The following ANO6 variants were observed in gnomAD, a reference collection of about 807,000 sequenced individuals.
ANO6 encodes the protein anoctamin 6, also known as anoctamin-6.
ANO6 carries 106 observed loss-of-function variants against 117.5 expected under a neutral mutation model. The ratio of observed to expected loss-of-function variants is 0.90; its 90% CI spans 0.77 to 1.06. The LOEUF is 1.06. ANO6 is among the 50% of genes least tolerant of loss of function. The pLI is 0.00. For synonymous variants in ANO6, 367 were observed against 385.1 expected (o/e 0.95, Z 0.55); for missense variants, 955 against 1,121.1 (o/e 0.85, Z 2.12).
At chr12:45,228,119 TGTTG>T in intron 1 of ANO6, 1 of 383,256 alleles carries the variant, frequency 2.6e-6, no homozygotes, top group East Asian at 8.5e-5. Flanking sequence ...AGGCTTTTTG[TGTTG>T]TTTTTTTTTT....
At chr12:45,322,004 G>A (rs77279171) in intron 2 of ANO6, among the ~76,000 whole-genome samples, 2,643 of 152,228 alleles carry the variant, frequency 0.017, 56 homozygotes, top group East Asian at 0.085. Context: ...TGGTAGTCCA[G>A]TCTGGTGCCA....
chr12:45,254,375 A>T (rs1161968381), intron 1 of ANO6, among the ~76,000 whole-genome samples: 1 of 152,156 alleles, frequency 6.6e-6, no homozygotes, highest in Non-Finnish European at 1.5e-5. Context: ...GATGTTGTGG[A>T]TCATCATTGC....
Position 45,403,225 on chromosome 12 carries a change from A to G in ANO6, c.1766A>G (p.Lys589Arg), listed in dbSNP as rs758631777. 1.5e-5 allele frequency: 24 copies of G among 1,613,790 alleles called. No individual in the cohort carries two copies. The highest frequency in any genetic ancestry group is 6.7e-5 in the Admixed American group (4 of 59,996). Reference protein sequence around the residue: ...YPGDPVYWLGKYRNEECDPGG... With the variant: ...YPGDPVYWLGRYRNEECDPGG... ...GGAGACCCAGTTTATTGGTTGGGAA[A>G]ATACAGAAATGAAGAGGTATGAATA... The change falls in exon 14 of 20, where the codon AAA (lysine) becomes AGA (arginine). Residue 589 changes from lysine to arginine, a missense_variant. Coordinates refer to ENST00000320560, the MANE Select transcript of ANO6 (RefSeq NM_001025356.3).
At chr12:45,259,915 T>C (rs2137207994) in intron 1 of ANO6, among the ~76,000 whole-genome samples, 1 of 152,342 alleles carries the variant, frequency 6.6e-6, no homozygotes, top group African/African-American at 2.4e-5. Context: ...ACAGGCACTG[T>C]AGGTCAGCTC....
chr12:45,289,889 G>A (rs766349997), intron 1 of ANO6, among the ~76,000 whole-genome samples: 5 of 152,164 alleles, frequency 3.3e-5, no homozygotes, highest in Admixed American at 3.3e-4. Context: ...TATATTCGTA[G>A]TTATTACAGG....
chr12:45,331,758 A>T (rs1940673305), intron 3 of ANO6, among the ~76,000 whole-genome samples: 1 of 152,112 alleles, frequency 6.6e-6, no homozygotes, highest in Non-Finnish European at 1.5e-5. Flanking sequence ...ATTAATAATG[A>T]CAAGTGTAAT....
intron 12 of ANO6, among the ~76,000 whole-genome samples, chr12:45,400,091 T>TTTA (rs112703295): frequency 0.048 from 7,353 of 152,152 alleles, 322 homozygotes; most frequent in African/African-American, 0.11. Context: ...CCCCAATTCT[T>TTTA]TTTACTAGTT....
chr12:45,435,072 C>T (rs1048324931), downstream of ANO6, among the ~76,000 whole-genome samples: 2 of 152,316 alleles, frequency 1.3e-5, no homozygotes, highest in African/African-American at 2.4e-5. Flanking sequence ...ATTACCTGTT[C>T]AATGTGAACA....
At chr12:45,229,386 T>A (rs1947537686) in intron 1 of ANO6, among the ~76,000 whole-genome samples, 1 of 105,946 alleles carries the variant, frequency 9.4e-6, no homozygotes, top group Non-Finnish European at 1.7e-5. Flanking sequence ...TTTTTTTATT[T>A]TTAGTTTTTT....
chr12:45,332,769 C>T (rs1329976056), intron 3 of ANO6, among the ~76,000 whole-genome samples: 3 of 152,006 alleles, frequency 2.0e-5, no homozygotes, highest in Non-Finnish European at 2.9e-5. Context: ...CAGGTAGACT[C>T]CCGGGTCATC....
chr12:45,414,056 G>A (rs1054575101), intron 16 of ANO6, among the ~76,000 whole-genome samples: 4 of 152,048 alleles, frequency 2.6e-5, no homozygotes, highest in Admixed American at 6.6e-5. Flanking sequence ...TTATGAACAT[G>A]CAGCCACTGG....
chr12:45,341,743 A>G (rs1253533319), intron 3 of ANO6, among the ~76,000 whole-genome samples: 1 of 152,186 alleles, frequency 6.6e-6, no homozygotes, highest in East Asian at 1.9e-4. Context: ...ACGAAGGGTC[A>G]TTGGGTGCAT....
chr12:45,305,283 TC>T (rs2035449097), intron 2 of ANO6, among the ~76,000 whole-genome samples: 1 of 152,142 alleles, frequency 6.6e-6, no homozygotes, highest in Admixed American at 6.5e-5. Flanking sequence ...AACTTGATGA[TC>T]TTGCTGTGGT....
chr12:45,243,971 C>T (rs1947783935), intron 1 of ANO6, among the ~76,000 whole-genome samples: 1 of 152,202 alleles, frequency 6.6e-6, no homozygotes, highest in South Asian at 2.1e-4. Context: ...TAAATTGAAA[C>T]TCATTTTCTC....
At chr12:45,396,190 C>T (rs1027410133) in intron 12 of ANO6, among the ~76,000 whole-genome samples, 1 of 152,280 alleles carries the variant, frequency 6.6e-6, no homozygotes, top group East Asian at 1.9e-4. Context: ...CACTCCTATA[C>T]ACCATTAGGA....
intron 2 of ANO6, among the ~76,000 whole-genome samples, chr12:45,317,040 CAGTA>C (rs1290803228): frequency 3.5e-5 from 5 of 141,992 alleles, no homozygotes; most frequent in Middle Eastern, 3.8e-3. Context: ...TCTTCTAAAA[CAGTA>C]AGAAGGGTAT....
chr12:45,318,925 T>C (rs548746481), intron 2 of ANO6, among the ~76,000 whole-genome samples: 1 of 152,276 alleles, frequency 6.6e-6, no homozygotes, highest in East Asian at 1.9e-4. Context: ...CTGTCTGTTA[T>C]TGGTGTATAA....
At chr12:45,390,616 G>T in intron 12 of ANO6, 118 bp downstream of exon 12, 2 of 918,638 alleles carry the variant, frequency 2.2e-6, no homozygotes, top group South Asian at 2.8e-5. Flanking sequence ...GAAACTATAT[G>T]GTCTCAGAGA....
chr12:45,414,583 T>A (rs911862003), intron 16 of ANO6, among the ~76,000 whole-genome samples: 3 of 152,146 alleles, frequency 2.0e-5, no homozygotes, highest in African/African-American at 7.2e-5. Context: ...ATTCATACTA[T>A]CTATTCATAT....
Sources: allele counts gnomAD v4.1 joint callset (sites outside exome capture counted in the v4.1 genomes callset), GRCh38; gene constraint gnomAD v4.1.1; transcripts MANE v1.5; gene names NCBI Gene and HGNC (gene_info 2026-07-23, HGNC 2026-07-21).